Variants in GPHN observed in about 807,000 individuals in gnomAD.
GPHN encodes gephyrin.
Under a neutral mutation model 95.5 loss-of-function variants are expected in GPHN, and 17 were observed. The ratio of observed to expected loss-of-function variants is 0.18; its 90% CI spans 0.12 to 0.27. The LOEUF (loss-of-function observed/expected upper bound fraction) is 0.27. GPHN is among the 10% of genes least tolerant of loss of function. The pLI is 1.00. For synonymous variants in GPHN, 320 were observed against 322.5 expected, an observed-to-expected ratio of 0.99 and a Z score of 0.08; for missense variants, 660 against 978.1, an observed-to-expected ratio of 0.67 and a Z score of 4.34.
intron 1 of GPHN, among the ~76,000 whole-genome samples, chr14:66,579,373 T>C (rs1162848945): frequency 1.3e-5 from 2 of 151,442 alleles, no homozygotes; most frequent in African/African-American, 4.8e-5. Flanking sequence ...AGTTTAAATG[T>C]CAATGGATTA....
chr14:67,229,509 T>C, the GPHN span, among the ~76,000 whole-genome samples: 27 of 152,332 alleles, frequency 1.8e-4, no homozygotes, highest in Admixed American at 9.2e-4. Context: ...ATTTTAAAAC[T>C]AGAACAGTGT....
the GPHN span, among the ~76,000 whole-genome samples, chr14:67,428,156 C>A: frequency 2.6e-5 from 4 of 152,166 alleles, no homozygotes; most frequent in East Asian, 7.7e-4. Flanking sequence ...TGACCTCAAG[C>A]GACCCACCCG....
chr14:67,313,013 A>ACTAT, the GPHN span, among the ~76,000 whole-genome samples: 5 of 152,156 alleles, frequency 3.3e-5, no homozygotes, highest in African/African-American at 1.2e-4. Flanking sequence ...TATACTATAT[A>ACTAT]CTATATACTA....
At chr14:67,393,948 G>A in the GPHN span, among the ~76,000 whole-genome samples, 6 of 152,150 alleles carry the variant, frequency 3.9e-5, no homozygotes, top group African/African-American at 1.4e-4. Flanking sequence ...GTGATTCGCT[G>A]TCTCTAGGCC....
chr14:66,586,950 A>G (rs1338056119), intron 1 of GPHN, among the ~76,000 whole-genome samples: 1 of 152,206 alleles, frequency 6.6e-6, no homozygotes, highest in East Asian at 1.9e-4. Flanking sequence ...AGGAAAGATG[A>G]ACAAAACAGA....
chr14:67,199,432 G>A, the GPHN span: 13 of 1,612,966 alleles, frequency 8.1e-6, no homozygotes, highest in Admixed American at 5.0e-5. Flanking sequence ...GCGCCTTTGG[G>A]GTCATCTTAC....
At chr14:67,148,342 AAT>A in intron 18 of GPHN, among the ~76,000 whole-genome samples, 1 of 152,296 alleles carries the variant, frequency 6.6e-6, no homozygotes, top group Non-Finnish European at 1.5e-5. Flanking sequence ...CTAAAATTTT[AAT>A]ATGTTTCTCA....
chr14:67,219,332 G>C, the GPHN span, among the ~76,000 whole-genome samples: 1 of 152,158 alleles, frequency 6.6e-6, no homozygotes, highest in Non-Finnish European at 1.5e-5. Flanking sequence ...GTCCACATGG[G>C]TGATATAGGT....
At chr14:66,678,055 GAT>G (rs2066712084) in intron 1 of GPHN, among the ~76,000 whole-genome samples, 1 of 152,110 alleles carries the variant, frequency 6.6e-6, no homozygotes, top group South Asian at 2.1e-4. Flanking sequence ...CAGTTTGAGA[GAT>G]ATATGTCTCA....
At chr14:67,559,753 G>A in the GPHN span, 4 of 1,076,360 alleles carry the variant, frequency 3.7e-6, no homozygotes, top group Admixed American at 2.0e-5. Flanking sequence ...CCTGACCCCC[G>A]GAGTTTCCTG....
intron 1 of GPHN, among the ~76,000 whole-genome samples, chr14:66,547,304 T>G (rs1036804582): frequency 6.6e-6 from 1 of 152,264 alleles, no homozygotes; most frequent in Non-Finnish European, 1.5e-5. Context: ...TAGTTGATGC[T>G]TAACAAATTT....
chr14:67,546,536 G>A, the GPHN span, among the ~76,000 whole-genome samples: 16 of 152,164 alleles, frequency 1.1e-4, no homozygotes, highest in South Asian at 2.3e-3. Context: ...GATTACAGGC[G>A]CGCGCCACCA....
chr14:66,947,574 T>C (rs1196289335), intron 8 of GPHN, among the ~76,000 whole-genome samples: 4 of 152,176 alleles, frequency 2.6e-5, no homozygotes, highest in Non-Finnish European at 5.9e-5. Flanking sequence ...TGATGCATCA[T>C]TCGTCTTGAT....
chr14:67,623,853 T>G, the GPHN span, among the ~76,000 whole-genome samples: 1 of 152,074 alleles, frequency 6.6e-6, no homozygotes, highest in African/African-American at 2.4e-5. Flanking sequence ...CCTTTTATTT[T>G]TCTTTGAGAG....
intron 1 of GPHN, among the ~76,000 whole-genome samples, chr14:66,594,546 G>A (rs1287224931): frequency 1.3e-5 from 2 of 152,088 alleles, no homozygotes; most frequent in Non-Finnish European, 2.9e-5. Context: ...TGATAAAAAC[G>A]CCAAGATCAC....
intron 4 of GPHN, among the ~76,000 whole-genome samples, chr14:66,872,357 C>T (rs1275253576): frequency 6.6e-6 from 1 of 152,078 alleles, no homozygotes; most frequent in African/African-American, 2.4e-5. Context: ...TTTTGTATTG[C>T]TTCCAACTAT....
chr14:66,558,187 T>G (rs535092506), intron 1 of GPHN, among the ~76,000 whole-genome samples: 1 of 152,148 alleles, frequency 6.6e-6, no homozygotes, highest in African/African-American at 2.4e-5. Flanking sequence ...TTTACCACAG[T>G]AGGCTAGTAA....
At chr14:66,957,638 A>T (rs1363731952) in intron 8 of GPHN, among the ~76,000 whole-genome samples, 2 of 152,176 alleles carry the variant, frequency 1.3e-5, no homozygotes, top group Non-Finnish European at 2.9e-5. Context: ...TCACTTCAGA[A>T]AAATGTGTAT....
At chr14:67,519,190 G>T in the GPHN span, among the ~76,000 whole-genome samples, 1 of 152,178 alleles carries the variant, frequency 6.6e-6, no homozygotes, top group Non-Finnish European at 1.5e-5. Context: ...AGGCTAAGGA[G>T]TGTAAACTCA....
Sources: allele counts gnomAD v4.1 joint callset (sites outside exome capture counted in the v4.1 genomes callset), GRCh38; gene constraint gnomAD v4.1.1; transcripts MANE v1.5; gene names NCBI Gene and HGNC (gene_info 2026-07-23, HGNC 2026-07-21).